Variants in TPH1 observed in about 807,000 individuals in gnomAD.
TPH1 encodes the protein tryptophan 5-hydroxylase 1.
Under a neutral mutation model 49.5 loss-of-function variants are expected in TPH1, and 37 were observed. That is an observed-to-expected ratio of 0.75 (90% confidence interval 0.58 to 0.98). TPH1 has a LOEUF of 0.98. Among genes scored for constraint, TPH1 ranks in the 50% least tolerant of loss-of-function variants. The pLI, the probability that TPH1 is intolerant of heterozygous loss-of-function variation, is 0.00. For synonymous variants in TPH1, 160 were observed against 182.1 expected, an observed-to-expected ratio of 0.88 and a Z score of 0.98; for missense variants, 487 against 523.6, an observed-to-expected ratio of 0.93 and a Z score of 0.68.
intron 1 of TPH1, among the ~76,000 whole-genome samples, chr11:18,045,946 G>A (rs937374815): frequency 6.6e-6 from 1 of 152,106 alleles, no homozygotes; most frequent in African/African-American, 2.4e-5. Flanking sequence ...TCCTCATCTG[G>A]GGACTCAAGA....
At chr11:18,032,299 G>C (rs1019503820) in intron 4 of TPH1, among the ~76,000 whole-genome samples, 6 of 152,128 alleles carry the variant, frequency 3.9e-5, no homozygotes, top group South Asian at 2.1e-4. Context: ...TGGGCAGTGT[G>C]GGGGGCAAGT....
Position 18,033,266 on chromosome 11 carries a change from ATACT to A in TPH1, c.402+4_402+7del, listed in dbSNP as rs770708224. 10 of 1,609,222 alleles carry A rather than the reference ATACT, an allele frequency of 6.2e-6. No homozygotes were observed. The highest frequency in any genetic ancestry group is 1.3e-5 in the African/African-American group (1 of 74,826). ...AGACTTGCTCTTAAAAAAAAAGAAA[ATACT>A]TACAGGATGGTCTGCATCTAGTTCA... On this transcript the variant is annotated splice_donor_5th_base_variant and intron_variant, in intron 4 of 10. Transcript: ENST00000682019.
At chr11:18,032,578 C>A in intron 4 of TPH1, among the ~76,000 whole-genome samples, 1 of 127,482 alleles carries the variant, frequency 7.8e-6, no homozygotes, top group South Asian at 2.7e-4. Flanking sequence ...CAGAGTCTCA[C>A]TCTGTTGCCC....
chr11:18,035,429 TTTC>T (rs1458379538), intron 3 of TPH1, among the ~76,000 whole-genome samples: 8 of 129,320 alleles, frequency 6.2e-5, no homozygotes, highest in Non-Finnish European at 1.1e-4. Context: ...CTCTCTTTCC[TTTC>T]TTTTTTTTTT....
chr11:18,026,671 C>A lies in TPH1; in HGVS notation c.668-46G>T, dbSNP rs192186807. Reference sequence around the variant, plus strand: ...CAAAGAAAATCTTTACCAGAATAGACCCCTGACTGCAGCATTTTAGTTCTG... The same window carrying A: ...CAAAGAAAATCTTTACCAGAATAGAACCCTGACTGCAGCATTTTAGTTCTG... On this transcript the variant is annotated intron_variant, in intron 6 of 10. Coordinates refer to ENST00000682019, the MANE Select transcript of TPH1 (RefSeq NM_004179.3). 47 of 1,612,160 alleles carry A rather than the reference C, an allele frequency of 2.9e-5. No homozygotes were observed. In the African/African-American group the frequency reaches 4.1e-4, roughly 14 times the overall value.
intron 1 of TPH1, among the ~76,000 whole-genome samples, chr11:18,041,549 T>C (rs1848098496): frequency 6.6e-6 from 1 of 152,184 alleles, no homozygotes; most frequent in South Asian, 2.1e-4. Context: ...CATCCAAAAT[T>C]CTCACTCGTT....
At chr11:18,024,555 T>C (rs1039558926) in intron 8 of TPH1, among the ~76,000 whole-genome samples, 4 of 152,134 alleles carry the variant, frequency 2.6e-5, no homozygotes, top group African/African-American at 4.8e-5. Flanking sequence ...TCTTTTTGGA[T>C]AGTTGTGGAT....
intron 2 of TPH1, 118 bp from the exon 3 acceptor site, chr11:18,036,260 A>G (rs1444614556): frequency 4.0e-6 from 3 of 755,356 alleles, no homozygotes; most frequent in Non-Finnish European, 6.6e-6. Context: ...CAGCAAAGGG[A>G]AAAAGACTGT....
At chr11:18,043,502 G>A (rs1848115735) in intron 1 of TPH1, among the ~76,000 whole-genome samples, 1 of 152,182 alleles carries the variant, frequency 6.6e-6, no homozygotes, top group African/African-American at 2.4e-5. Flanking sequence ...CTACTCGGGA[G>A]GCTGAGGCAT....
At chr11:18,039,916 G>T (rs767867948) in intron 2 of TPH1, among the ~76,000 whole-genome samples, 1 of 151,874 alleles carries the variant, frequency 6.6e-6, no homozygotes, top group Non-Finnish European at 1.5e-5. Flanking sequence ...TCCCTACATG[G>T]TACACAAATT....
At chr11:18,033,977 AT>A (rs1359217175) in intron 3 of TPH1, among the ~76,000 whole-genome samples, 3 of 152,152 alleles carry the variant, frequency 2.0e-5, no homozygotes, top group African/African-American at 7.2e-5. Context: ...AGATCTTCTC[AT>A]TCCGCAAAGC....
chr11:18,025,810 T>C (rs1370963658), intron 7 of TPH1, 109 bp from the exon 8 acceptor site: 12 of 1,485,188 alleles, frequency 8.1e-6, no homozygotes, highest in African/African-American at 1.4e-5. Context: ...CGGGTGATAA[T>C]ACTTTAGTAA....
chr11:18,029,300 A>G lies in TPH1; in HGVS notation c.532T>C (p.Phe178Leu). ...EEEIKTWGTV[F>L]QELNKLYPTH... ...GGGTAGAGTTTGTTGAGCTCTTGGA[A>G]TACGGTTCCCCAGGTCTTAATCTCC... The change falls in exon 6 of 11, where the codon TTC becomes CTC. Residue 178 changes from phenylalanine to leucine, a missense_variant. Coordinates refer to ENST00000682019, the MANE Select transcript of TPH1 (RefSeq NM_004179.3). 1 of 1,614,094 alleles carries G rather than the reference A, an allele frequency of 6.2e-7. No homozygotes were observed. The highest frequency in any genetic ancestry group is 1.1e-5 in the South Asian group (1 of 91,082).
intron 1 of TPH1, chr11:18,042,576 C>A: frequency 3.7e-6 from 1 of 267,632 alleles, no homozygotes; most frequent in Non-Finnish European, 7.4e-6. Flanking sequence ...GGATAATTAA[C>A]ACCACTCTCA....
Position 18,020,104 on chromosome 11 carries a change from TG to T in TPH1, c.*886del, listed in dbSNP as rs1854340807. ...TTGATAACAATGCTTCCTGTTAATC[TG>T]GGGACAATCCCATTATAATACCTAG... is the stretch of plus-strand genomic sequence containing the variant. On this transcript the variant is annotated 3_prime_UTR_variant, in exon 11 of 11. Transcript: ENST00000682019. The T allele has an allele frequency of 8.0e-5, 17 of 212,568 alleles. No homozygotes were observed. The South Asian group carries it at 1.4e-3, about 17-fold the overall frequency. 13.2% of individuals were successfully genotyped at this position (212,568 alleles called of 1,614,324 possible). A position where few individuals can be genotyped will look rare whatever the true frequency, so the allele number is the denominator to read the frequency against.
At chr11:18,025,725 C>CA in intron 7 of TPH1, 24 bp from the exon 8 acceptor site, 1 of 1,613,618 alleles carries the variant, frequency 6.2e-7, no homozygotes, top group Non-Finnish European at 8.5e-7. Context: ...ACAAGTTTGT[C>CA]ACGCTGCAGT....
intron 4 of TPH1, 130 bp from the exon 5 acceptor site, chr11:18,029,709 T>A (rs547448778): frequency 1.4e-6 from 1 of 726,200 alleles, no homozygotes; most frequent in South Asian, 1.7e-5. Flanking sequence ...TGAGCAAGCA[T>A]TATTTAGAGA....
intron 4 of TPH1, among the ~76,000 whole-genome samples, chr11:18,032,845 C>T (rs887216270): frequency 1.3e-5 from 2 of 151,988 alleles, no homozygotes; most frequent in Non-Finnish European, 2.9e-5. Flanking sequence ...TGCACCCGGC[C>T]CGCTTGTTGA....
In TPH1 at chr11:18,040,417, G is replaced by A. The variant is rs1848088747; in HGVS notation, c.117+229C>T. ...CTCACTCTGATACCTAGGCTAGAGT[G>A]CAGTGGTGTGATCATAGCTCACTCA... On this transcript the variant is annotated intron_variant, in intron 2 of 10. Transcript: ENST00000682019. 2.0e-5 allele frequency among the ~76,000 whole-genome samples: 3 copies of A among 150,546 alleles called. No homozygotes were observed. In the South Asian group the frequency reaches 6.3e-4, roughly 31 times the overall value.
Sources: gnomAD v4.1 joint callset for allele counts (sites outside exome capture counted in the v4.1 genomes callset) on GRCh38, gnomAD v4.1.1 for gene constraint, MANE v1.5 for transcripts, NCBI Gene and HGNC (gene_info 2026-07-23, HGNC 2026-07-21) for gene names.